Variants in TRPC4 observed in about 807,000 individuals in gnomAD.
The protein encoded by TRPC4 is transient receptor potential cation channel subfamily C member 4.
Under a neutral mutation model 99.4 loss-of-function variants are expected in TRPC4, and 49 were observed. The ratio of observed to expected loss-of-function variants is 0.49; its 90% confidence interval spans 0.39 to 0.63. The LOEUF (loss-of-function observed/expected upper bound fraction) is 0.63. Ranked by LOEUF, TRPC4 falls within the 20% of genes least tolerant of loss-of-function variation. The pLI, the probability that TRPC4 is intolerant of heterozygous loss-of-function variation, is 0.00. For synonymous variants in TRPC4, 454 were observed against 425.9 expected (o/e 1.07, Z -0.81); for missense variants, 898 against 1,152.9 (o/e 0.78, Z 3.20).
intron 2 of TRPC4, among the ~76,000 whole-genome samples, chr13:37,758,532 T>G (rs1411818630): frequency 1.3e-5 from 2 of 151,750 alleles, no homozygotes; most frequent in Non-Finnish European, 3.0e-5. Flanking sequence ...CATCATTATT[T>G]TGGAGTTTCT....
chr13:37,684,836 C>G (rs1383238568), intron 4 of TRPC4, among the ~76,000 whole-genome samples: 3 of 132,404 alleles, frequency 2.3e-5, no homozygotes, highest in Admixed American at 7.6e-5. Flanking sequence ...CACACACACA[C>G]AGAAATTTAA....
chr13:37,781,645 A>G (rs552143999), intron 2 of TRPC4, among the ~76,000 whole-genome samples: 54 of 152,242 alleles, frequency 3.5e-4, no homozygotes, highest in African/African-American at 1.2e-3. Context: ...ACTTTTACCA[A>G]TATAATGAGA....
chr13:37,815,057 G>T (rs563265904), intron 1 of TRPC4, among the ~76,000 whole-genome samples: 4 of 151,532 alleles, frequency 2.6e-5, no homozygotes, highest in African/African-American at 7.3e-5. Flanking sequence ...TTTTACAAAG[G>T]TGTCAAGAAA....
chr13:37,680,101 A>AC (rs1349751632), intron 4 of TRPC4, among the ~76,000 whole-genome samples: 36 of 152,196 alleles, frequency 2.4e-4, no homozygotes, highest in Non-Finnish European at 5.9e-5. Flanking sequence ...GTGCACTTGG[A>AC]CAACATTTTC....
chr13:37,827,530 G>T (rs371482424), intron 1 of TRPC4, among the ~76,000 whole-genome samples: 3 of 151,268 alleles, frequency 2.0e-5, no homozygotes, highest in Admixed American at 6.6e-5. Context: ...AGTACCCTGC[G>T]GTGTGAGGTG....
chr13:37,826,529 A>G (rs1363547781), intron 1 of TRPC4, among the ~76,000 whole-genome samples: 2 of 150,450 alleles, frequency 1.3e-5, no homozygotes, highest in Non-Finnish European at 3.0e-5. Context: ...TCCTTCACTT[A>G]TGAAGCTTAG....
chr13:37,802,030 CTAAT>C (rs939384112), intron 1 of TRPC4, among the ~76,000 whole-genome samples: 2 of 152,012 alleles, frequency 1.3e-5, no homozygotes, highest in Admixed American at 6.6e-5. Context: ...ATCAAACACA[CTAAT>C]TAATTTTAAA....
At chr13:37,737,454 A>G (rs1320640707) in intron 3 of TRPC4, among the ~76,000 whole-genome samples, 1 of 151,888 alleles carries the variant, frequency 6.6e-6, no homozygotes. Flanking sequence ...CATAGACCTT[A>G]TTTACTTATT....
At chr13:37,741,945 A>AT (rs1566135513) in intron 3 of TRPC4, among the ~76,000 whole-genome samples, 3 of 151,656 alleles carry the variant, frequency 2.0e-5, no homozygotes, top group African/African-American at 7.3e-5. Context: ...AAAAAAAAAA[A>AT]ACAGCAACAA....
At chr13:37,816,875 G>T (rs561957629) in intron 1 of TRPC4, among the ~76,000 whole-genome samples, 1 of 151,502 alleles carries the variant, frequency 6.6e-6, no homozygotes, top group Non-Finnish European at 1.5e-5. Context: ...AAAATACCTC[G>T]AAATTAAAGA....
chr13:37,649,511 G>C (rs1167232791), intron 8 of TRPC4, among the ~76,000 whole-genome samples: 1 of 151,870 alleles, frequency 6.6e-6, no homozygotes, highest in Admixed American at 6.6e-5. Context: ...GAGGTGGGCA[G>C]ATTACGAGGT....
rs1452248892 is a variant in TRPC4 at position 37,635,805 on chromosome 13, A to C, written c.*1098T>G. 6.6e-6 allele frequency among the ~76,000 whole-genome samples: 1 copy of C among 152,122 alleles called. No individual in the cohort carries two copies. The highest frequency in any genetic ancestry group is 2.4e-5 in the African/African-American group (1 of 41,454). On this transcript the variant is annotated 3_prime_UTR_variant, in exon 11 of 11. Transcript: ENST00000379705. ...ATAGAAAGAAAAACAAGAAATAAGAATGTTTTTCCTATAGGCAAAACTATA... is the reference window on the plus strand; with the variant it reads ...ATAGAAAGAAAAACAAGAAATAAGACTGTTTTTCCTATAGGCAAAACTATA...
At chr13:37,660,909 C>T (rs1350246141) in intron 6 of TRPC4, among the ~76,000 whole-genome samples, 1 of 152,160 alleles carries the variant, frequency 6.6e-6, no homozygotes, top group Non-Finnish European at 1.5e-5. Context: ...GACTGGTGTC[C>T]GTTTTGCTTA....
intron 1 of TRPC4, among the ~76,000 whole-genome samples, chr13:37,810,739 A>G (rs534340383): frequency 7.2e-5 from 11 of 152,182 alleles, no homozygotes; most frequent in African/African-American, 2.6e-4. Flanking sequence ...TAATATTTCC[A>G]TATCTTTTCA....
At chr13:37,824,369 T>C (rs1258754307) in intron 1 of TRPC4, among the ~76,000 whole-genome samples, 4 of 150,348 alleles carry the variant, frequency 2.7e-5, no homozygotes, top group Non-Finnish European at 5.9e-5. Flanking sequence ...AAGGGAATGC[T>C]TCCAGTTTTT....
chr13:37,800,133 A>G (rs1957365272), intron 1 of TRPC4, among the ~76,000 whole-genome samples: 1 of 152,222 alleles, frequency 6.6e-6, no homozygotes, highest in Non-Finnish European at 1.5e-5. Flanking sequence ...AGTGATTTAG[A>G]TGAATGTAAA....
chr13:37,632,562 T>C lies in TRPC4; in HGVS notation c.*4341A>G, dbSNP rs1951419003. 6.6e-6 allele frequency among the ~76,000 whole-genome samples: 1 copy of C among 152,216 alleles called. No homozygotes were observed. On this transcript the variant is annotated 3_prime_UTR_variant, in exon 11 of 11. Coordinates refer to ENST00000379705, the MANE Select transcript of TRPC4 (RefSeq NM_016179.4). Reference sequence around the variant, plus strand: ...GGTTTTGCTACTGGTGAATTTGACTTGCAGAGACGTCTTCACTGTCAGCCT... The same window carrying C: ...GGTTTTGCTACTGGTGAATTTGACTCGCAGAGACGTCTTCACTGTCAGCCT...
chr13:37,653,365 A>T (rs2138627949), intron 7 of TRPC4, among the ~76,000 whole-genome samples: 1 of 152,050 alleles, frequency 6.6e-6, no homozygotes. Flanking sequence ...TTCATGGTTT[A>T]CCGATGGCTC....
intron 1 of TRPC4, among the ~76,000 whole-genome samples, chr13:37,846,901 A>G (rs1224428435): frequency 1.3e-5 from 2 of 152,078 alleles, no homozygotes; most frequent in African/African-American, 4.8e-5. Context: ...TTAAGAGAAT[A>G]AGAGTAGTTA....
Sources: allele counts gnomAD v4.1 joint callset (sites outside exome capture counted in the v4.1 genomes callset), GRCh38; gene constraint gnomAD v4.1.1; transcripts MANE v1.5; gene names NCBI Gene and HGNC (gene_info 2026-07-23, HGNC 2026-07-21).